The following FOXN3 variants were observed in gnomAD, a reference collection of about 807,000 sequenced individuals.
The protein encoded by FOXN3 is forkhead box N3.
Under a neutral mutation model 38.4 loss-of-function variants are expected in FOXN3, and 7 were observed. The observed-to-expected ratio is 0.18, with a 90% CI of 0.10 to 0.34. The LOEUF is 0.34. FOXN3 is among the 10% of genes least tolerant of loss of function. The pLI, the probability that FOXN3 is intolerant of heterozygous loss-of-function variation, is 1.00. For synonymous variants in FOXN3, 230 were observed against 242.2 expected (o/e 0.95, Z 0.47); for missense variants, 456 against 613.4 (o/e 0.74, Z 2.71).
intron 3 of FOXN3, among the ~76,000 whole-genome samples, chr14:89,287,106 A>G (rs564215606): frequency 8.3e-4 from 126 of 151,928 alleles, no homozygotes; most frequent in African/African-American, 2.6e-3. Context: ...ATGATGGGGG[A>G]AAAAAATTGC....
intron 1 of FOXN3, among the ~76,000 whole-genome samples, chr14:89,415,628 A>C (rs1405090926): frequency 1.4e-5 from 2 of 143,094 alleles, no homozygotes; most frequent in African/African-American, 2.7e-5. Flanking sequence ...AAAAAAAAAA[A>C]AAACAGTTCC....
chr14:89,521,938 C>T (rs1183892183), intron 1 of FOXN3, among the ~76,000 whole-genome samples: 1 of 150,968 alleles, frequency 6.6e-6, no homozygotes, highest in Non-Finnish European at 1.5e-5. Context: ...GTGGGGTATC[C>T]ATTGAGTCTG....
intron 1 of FOXN3, among the ~76,000 whole-genome samples, chr14:89,511,203 T>TTTTCTTTCTTTC (rs1288806061): frequency 6.7e-5 from 1 of 14,976 alleles, no homozygotes; most frequent in African/African-American, 1.1e-4. Context: ...TCTTTCTTTC[T>TTTTCTTTCTTTC]TTTCTTTCTT....
intron 4 of FOXN3, among the ~76,000 whole-genome samples, chr14:89,245,586 G>A (rs995458240): frequency 5.9e-5 from 9 of 152,134 alleles, no homozygotes; most frequent in African/African-American, 1.7e-4. Flanking sequence ...CTCAGCCTCA[G>A]GGTTATAAAC....
intron 3 of FOXN3, among the ~76,000 whole-genome samples, chr14:89,317,828 C>T (rs1341082814): frequency 6.6e-6 from 1 of 151,374 alleles, no homozygotes; most frequent in African/African-American, 2.4e-5. Flanking sequence ...CCTGACTTCG[C>T]CTCCCTCCTG....
intron 1 of FOXN3, among the ~76,000 whole-genome samples, chr14:89,461,684 T>C (rs1031412907): frequency 5.9e-5 from 9 of 152,130 alleles, no homozygotes; most frequent in Non-Finnish European, 1.0e-4. Flanking sequence ...TACAACATGA[T>C]GTCTAGAGTA....
chr14:89,457,805 G>A (rs1892756732), intron 1 of FOXN3, among the ~76,000 whole-genome samples: 1 of 152,026 alleles, frequency 6.6e-6, no homozygotes, highest in Admixed American at 6.5e-5. Flanking sequence ...CTGAGGTCGG[G>A]AGTTCGAGAC....
At chr14:89,200,713 C>T (rs117062707) in intron 4 of FOXN3, among the ~76,000 whole-genome samples, 5 of 152,374 alleles carry the variant, frequency 3.3e-5, no homozygotes, top group Non-Finnish European at 7.3e-5. Flanking sequence ...ATTGCCGTCA[C>T]ATTCCCGAAT....
intron 4 of FOXN3, among the ~76,000 whole-genome samples, chr14:89,243,258 C>T (rs1885193070): frequency 6.6e-6 from 1 of 152,176 alleles, no homozygotes; most frequent in African/African-American, 2.4e-5. Flanking sequence ...TATTTCATGA[C>T]CCAGAGCAAG....
chr14:89,244,639 T>C (rs921191407), intron 4 of FOXN3, among the ~76,000 whole-genome samples: 1 of 152,218 alleles, frequency 6.6e-6, no homozygotes, highest in African/African-American at 2.4e-5. Context: ...ACCACTTACC[T>C]TGTCTTATAG....
At chr14:89,416,278 G>A (rs1346726876) in intron 1 of FOXN3, among the ~76,000 whole-genome samples, 1 of 152,210 alleles carries the variant, frequency 6.6e-6, no homozygotes, top group East Asian at 1.9e-4. Context: ...CCCATATACA[G>A]GGCAATTGGG....
chr14:89,195,203 C>A (rs1888066343), intron 4 of FOXN3, among the ~76,000 whole-genome samples: 1 of 152,178 alleles, frequency 6.6e-6, no homozygotes, highest in South Asian at 2.1e-4. Context: ...TTCTCCCAGT[C>A]CCCTCACCCC....
chr14:89,538,882 C>T (rs1213887217), intron 1 of FOXN3, among the ~76,000 whole-genome samples: 2 of 151,860 alleles, frequency 1.3e-5, no homozygotes, highest in Non-Finnish European at 2.9e-5. Context: ...CTCACTCTGT[C>T]GCCCCGGCTG....
intron 1 of FOXN3, among the ~76,000 whole-genome samples, chr14:89,570,552 A>G (rs1378529383): frequency 6.6e-6 from 1 of 152,202 alleles, no homozygotes; most frequent in Non-Finnish European, 1.5e-5. Flanking sequence ...AAGCCATGGA[A>G]TAGCTGAGTA....
intron 4 of FOXN3, among the ~76,000 whole-genome samples, chr14:89,279,106 T>A (rs1307910854): frequency 6.6e-6 from 1 of 151,240 alleles, no homozygotes; most frequent in African/African-American, 2.4e-5. Context: ...GAAAAAAAAA[T>A]GAATGTTAAC....
intron 1 of FOXN3, among the ~76,000 whole-genome samples, chr14:89,462,429 C>G (rs371868540): frequency 6.6e-6 from 1 of 152,228 alleles, no homozygotes; most frequent in African/African-American, 2.4e-5. Context: ...ATAGGAAACA[C>G]TTAGAGTGTA....
In FOXN3 at chr14:89,322,682, T is replaced by A. The variant is rs187666876; in HGVS notation, c.680+27990A>T. Among the ~76,000 whole-genome samples the A allele has an allele frequency of 4.8e-3, 731 of 152,196 alleles. 6 individuals are homozygous for A. The highest frequency in any genetic ancestry group is 0.017 in the African/African-American group (692 of 41,506). On this transcript the variant is annotated intron_variant, in intron 3 of 5. Coordinates refer to ENST00000557258, the MANE Select transcript of FOXN3 (RefSeq NM_005197.4). ...GCAAGGAACTGTCAGGGCAAACAGATGTTTCGGAGGAATCACCATGCTGAA... is the reference window on the plus strand; with the variant it reads ...GCAAGGAACTGTCAGGGCAAACAGAAGTTTCGGAGGAATCACCATGCTGAA...
intron 1 of FOXN3, among the ~76,000 whole-genome samples, chr14:89,457,121 C>T (rs1892742725): frequency 6.6e-6 from 1 of 152,216 alleles, no homozygotes. Context: ...CTGGGAGCTA[C>T]TGGTTAATAA....
chr14:89,525,370 C>G (rs1894412839), intron 1 of FOXN3, among the ~76,000 whole-genome samples: 1 of 152,150 alleles, frequency 6.6e-6, no homozygotes, highest in South Asian at 2.1e-4. Flanking sequence ...TGCTAAGAGA[C>G]ACTCCCACCA....
Sources: allele counts gnomAD v4.1 joint callset (sites outside exome capture counted in the v4.1 genomes callset), GRCh38; gene constraint gnomAD v4.1.1; transcripts MANE v1.5; gene names NCBI Gene and HGNC (gene_info 2026-07-23, HGNC 2026-07-21).